The following CSMD1 variants were observed in gnomAD, a reference collection of about 807,000 sequenced individuals.
CSMD1 encodes the protein CUB and Sushi multiple domains 1.
Under a neutral mutation model 417.5 loss-of-function variants are expected in CSMD1, and 213 were observed. That is an observed-to-expected ratio of 0.51 (90% CI 0.46 to 0.57). The LOEUF (loss-of-function observed/expected upper bound fraction) is 0.57, where lower values mean the gene tolerates loss of function less well. Among genes scored for constraint, CSMD1 ranks in the 20% least tolerant of loss-of-function variants. The pLI, the probability that CSMD1 is intolerant of heterozygous loss-of-function variation, is 0.00. For synonymous variants in CSMD1, 2,862 were observed against 1,736.8 expected, an observed-to-expected ratio of 1.65 and a Z score of -16.11; for missense variants, 6,923 against 4,529.7, an observed-to-expected ratio of 1.53 and a Z score of -15.17.
At chr8:4,709,345 G>A (rs1242163074) in intron 1 of CSMD1, among the ~76,000 whole-genome samples, 1 of 152,128 alleles carries the variant, frequency 6.6e-6, no homozygotes, top group African/African-American at 2.4e-5. Context: ...GTTGGATTGG[G>A]GGAGTTTAGG....
rs192542845 is a variant in CSMD1, at chr8:4,484,726, T to G, written c.303-64661A>C. 5.9e-3 allele frequency among the ~76,000 whole-genome samples: 897 copies of G among 151,778 alleles called. 4 individuals carry two copies. Among genetic ancestry groups the G allele is most frequent in the Non-Finnish European group, 8.4e-3 (573 of 67,898 alleles). Reference sequence around the variant, plus strand: ...GGCTCACGCCTGTAATCTCAGCACTTTGGGAGGCAGAGACGGGCGGATCAC... The same window carrying G: ...GGCTCACGCCTGTAATCTCAGCACTGTGGGAGGCAGAGACGGGCGGATCAC... On this transcript the variant is annotated intron_variant, in intron 2 of 69. Transcript: ENST00000635120.
chr8:3,212,019 A>G (rs1377186554), intron 30 of CSMD1, among the ~76,000 whole-genome samples: 1 of 151,992 alleles, frequency 6.6e-6, no homozygotes, highest in African/African-American at 2.4e-5. Context: ...AGTGACACCC[A>G]CTTCTTCGTT....
chr8:3,867,277 T>A (rs945399987), intron 5 of CSMD1, among the ~76,000 whole-genome samples: 1 of 152,108 alleles, frequency 6.6e-6, no homozygotes, highest in Admixed American at 6.6e-5. Flanking sequence ...CCATTACATA[T>A]CTTGAATATA....
intron 1 of CSMD1, among the ~76,000 whole-genome samples, chr8:4,767,789 G>T (rs1370610285): frequency 6.6e-6 from 1 of 152,086 alleles, no homozygotes; most frequent in African/African-American, 2.4e-5. Flanking sequence ...TTAAGGGGTT[G>T]GTGTTCCCAA....
chr8:4,681,067 A>T (rs1220561541), intron 1 of CSMD1, among the ~76,000 whole-genome samples: 1 of 152,014 alleles, frequency 6.6e-6, no homozygotes. Flanking sequence ...ATTAACTTGC[A>T]TTATGGCTAC....
At chr8:3,050,931 A>G (rs1440934465) in intron 50 of CSMD1, among the ~76,000 whole-genome samples, 1 of 152,200 alleles carries the variant, frequency 6.6e-6, no homozygotes, top group Non-Finnish European at 1.5e-5. Context: ...TATCATTGTA[A>G]ATAAGTAAAA....
chr8:4,641,840 G>A (rs1803213630), intron 1 of CSMD1, among the ~76,000 whole-genome samples: 1 of 152,036 alleles, frequency 6.6e-6, no homozygotes. Context: ...ACTAATCAAT[G>A]CCCATTGAAG....
chr8:4,917,353 G>A (rs1264574993), intron 1 of CSMD1, among the ~76,000 whole-genome samples: 1 of 152,154 alleles, frequency 6.6e-6, no homozygotes, highest in Non-Finnish European at 1.5e-5. Flanking sequence ...TGAGATTTGG[G>A]GCAGGGTGCG....
chr8:3,354,019 C>T (rs944360767), intron 21 of CSMD1, among the ~76,000 whole-genome samples: 2 of 152,102 alleles, frequency 1.3e-5, no homozygotes, highest in African/African-American at 2.4e-5. Flanking sequence ...AACAGACAGA[C>T]GTGGAGGCTA....
At chr8:3,671,548 CATATATATGATCATATATATAT>C (rs1799056009) in intron 7 of CSMD1, among the ~76,000 whole-genome samples, 4 of 2,904 alleles carry the variant, frequency 1.4e-3, no homozygotes, top group Admixed American at 6.0e-3. Context: ...TATATATGAT[CATATATATGATCATATATATAT>C]ATATATATAT....
chr8:4,384,648 A>G (rs1391048244), intron 3 of CSMD1, among the ~76,000 whole-genome samples: 5 of 152,096 alleles, frequency 3.3e-5, no homozygotes, highest in African/African-American at 1.2e-4. Context: ...ACAACCTGCT[A>G]TTTCATATTC....
chr8:4,930,308 G>C (rs917855636), intron 1 of CSMD1, among the ~76,000 whole-genome samples: 1 of 152,104 alleles, frequency 6.6e-6, no homozygotes. Flanking sequence ...CAATTGGTGT[G>C]ATATTAACAC....
At chr8:3,610,878 G>A (rs930984534) in intron 8 of CSMD1, among the ~76,000 whole-genome samples, 1 of 151,964 alleles carries the variant, frequency 6.6e-6, no homozygotes, top group Non-Finnish European at 1.5e-5. Context: ...TCACTGAGTT[G>A]CCTTTTCCAT....
At chr8:3,364,018 G>A (rs527532379) in intron 20 of CSMD1, among the ~76,000 whole-genome samples, 1 of 152,148 alleles carries the variant, frequency 6.6e-6, no homozygotes, top group South Asian at 2.1e-4. Flanking sequence ...AAGGCCTTCT[G>A]AGAAAGGCAG....
intron 3 of CSMD1, among the ~76,000 whole-genome samples, chr8:4,339,077 G>T (rs907960439): frequency 3.3e-4 from 50 of 152,046 alleles, no homozygotes; most frequent in African/African-American, 1.2e-3. Flanking sequence ...GGTAGTAGAG[G>T]CATGGATTCT....
chr8:4,599,092 G>C (rs6990648), intron 2 of CSMD1, among the ~76,000 whole-genome samples: 10 of 152,178 alleles, frequency 6.6e-5, no homozygotes, highest in African/African-American at 1.7e-4. Flanking sequence ...GACAATGTTA[G>C]GATTAAGTAA....
intron 7 of CSMD1, among the ~76,000 whole-genome samples, chr8:3,619,947 T>C (rs192097378): frequency 1.6e-4 from 24 of 151,882 alleles, no homozygotes; most frequent in African/African-American, 5.8e-4. Context: ...ACTAAAAATA[T>C]AAAAATCAGC....
chr8:3,074,623 G>C (rs752935124), intron 49 of CSMD1, among the ~76,000 whole-genome samples: 1 of 152,248 alleles, frequency 6.6e-6, no homozygotes, highest in Non-Finnish European at 1.5e-5. Context: ...GTGGCAATGA[G>C]TGGAAGAAAG....
chr8:4,824,727 T>C (rs894578811), intron 1 of CSMD1, among the ~76,000 whole-genome samples: 1 of 152,156 alleles, frequency 6.6e-6, no homozygotes, highest in Admixed American at 6.5e-5. Context: ...TGGAATTACT[T>C]GGAATAACAC....
Sources: allele counts gnomAD v4.1 joint callset (sites outside exome capture counted in the v4.1 genomes callset), GRCh38; gene constraint gnomAD v4.1.1; transcripts MANE v1.5; gene names NCBI Gene and HGNC (gene_info 2026-07-23, HGNC 2026-07-21).